The following RARB variants were observed in gnomAD, a reference collection of about 807,000 sequenced individuals.
RARB encodes the protein HBV-activated protein.
Under a neutral mutation model 51.9 loss-of-function variants are expected in RARB, and 17 were observed. That is an observed-to-expected ratio of 0.33 (90% confidence interval 0.22 to 0.49). The LOEUF (loss-of-function observed/expected upper bound fraction) is 0.49. Ranked by LOEUF, RARB falls within the 20% of genes least tolerant of loss-of-function variation. RARB has a pLI of 0.99. For missense variants in RARB, 369 were observed against 550.8 expected (o/e 0.67, Z 3.30); for synonymous variants, 215 against 195.4 (o/e 1.10, Z -0.84).
intron 5 of RARB, among the ~76,000 whole-genome samples, chr3:25,258,375 A>G (rs1702917770): frequency 6.6e-6 from 1 of 152,174 alleles, no homozygotes; most frequent in African/African-American, 2.4e-5. Context: ...GTCGCAATTG[A>G]TATTGTAAAG....
chr3:24,831,323 C>A (rs1229855975), intron 1 of RARB, among the ~76,000 whole-genome samples: 2 of 152,136 alleles, frequency 1.3e-5, no homozygotes. Context: ...TGGTATGATG[C>A]AGTAATTATT....
intron 5 of RARB, among the ~76,000 whole-genome samples, chr3:25,228,458 A>G (rs1367313358): frequency 6.6e-6 from 1 of 151,840 alleles, no homozygotes; most frequent in African/African-American, 2.4e-5. Context: ...TCTCGGCATG[A>G]TCAGAGTGCC....
chr3:25,525,000 A>G (rs1296207313), intron 3 of RARB, among the ~76,000 whole-genome samples: 2 of 152,010 alleles, frequency 1.3e-5, no homozygotes, highest in African/African-American at 4.8e-5. Context: ...AAGTGCTGGG[A>G]TTATAGGCTT....
At chr3:25,382,337 A>G (rs1220832793) in intron 5 of RARB, among the ~76,000 whole-genome samples, 1 of 152,234 alleles carries the variant, frequency 6.6e-6, no homozygotes, top group Non-Finnish European at 1.5e-5. Context: ...AGGCATGTTT[A>G]CAAACTTTCA....
At chr3:24,986,367 G>C (rs1696794333) in intron 2 of RARB, among the ~76,000 whole-genome samples, 1 of 152,166 alleles carries the variant, frequency 6.6e-6, no homozygotes, top group African/African-American at 2.4e-5. Flanking sequence ...AGAAAAATCA[G>C]TATCAGGCAG....
At chr3:24,914,471 A>G (rs973626136) in intron 2 of RARB, among the ~76,000 whole-genome samples, 3 of 152,128 alleles carry the variant, frequency 2.0e-5, no homozygotes, top group Non-Finnish European at 4.4e-5. Flanking sequence ...TAGATGGAAC[A>G]TCTTCTGCCA....
At chr3:25,213,224 T>C (rs1036971775) in intron 5 of RARB, among the ~76,000 whole-genome samples, 1 of 152,182 alleles carries the variant, frequency 6.6e-6, no homozygotes, top group African/African-American at 2.4e-5. Context: ...TCCCACTTTC[T>C]TCCCTATTCC....
At chr3:24,983,986 T>G (rs904196718) in intron 2 of RARB, among the ~76,000 whole-genome samples, 5 of 152,226 alleles carry the variant, frequency 3.3e-5, no homozygotes, top group Non-Finnish European at 7.3e-5. Context: ...TAGTTTACAT[T>G]TTTTATGATT....
chr3:25,255,384 AT>A (rs964875754), intron 5 of RARB, among the ~76,000 whole-genome samples: 2 of 152,174 alleles, frequency 1.3e-5, no homozygotes, highest in African/African-American at 4.8e-5. Context: ...TTATGAATTC[AT>A]GAGGCTCTGT....
intron 2 of RARB, among the ~76,000 whole-genome samples, chr3:25,473,120 A>C (rs1316809328): frequency 6.6e-6 from 1 of 152,116 alleles, no homozygotes; most frequent in African/African-American, 2.4e-5. Flanking sequence ...TCTTGTCACT[A>C]TCTCCTACCA....
chr3:25,591,852 C>T (rs1172494524), intron 5 of RARB, among the ~76,000 whole-genome samples: 3 of 152,184 alleles, frequency 2.0e-5, no homozygotes, highest in Non-Finnish European at 1.5e-5. Flanking sequence ...ACGCTGGAGT[C>T]CTTTGTGTAG....
At chr3:25,022,064 A>G (rs545444242) in intron 2 of RARB, among the ~76,000 whole-genome samples, 17 of 152,322 alleles carry the variant, frequency 1.1e-4, no homozygotes, top group Non-Finnish European at 2.5e-4. Context: ...TAAAATCCTA[A>G]GAGAGATAAG....
intron 5 of RARB, among the ~76,000 whole-genome samples, chr3:25,417,833 G>T (rs534025678): frequency 1.3e-5 from 2 of 152,088 alleles, no homozygotes; most frequent in South Asian, 2.1e-4. Context: ...AAAAAATGAC[G>T]GCATAAATAA....
At chr3:25,063,660 C>T (rs1698596815) in intron 3 of RARB, among the ~76,000 whole-genome samples, 1 of 150,130 alleles carries the variant, frequency 6.7e-6, no homozygotes, top group East Asian at 1.9e-4. Context: ...CTACCACAGT[C>T]ATAAAATCTT....
Position 25,567,257 on chromosome 3 carries a change from A to C in RARB, c.449-2501A>C, listed in dbSNP as rs115228865. ...TCACCAGTAAGTCCAGAACATTTTC[A>C]TCTCCTAAAAAACAAAACCCTGAAC... is the stretch of plus-strand genomic sequence containing the variant. On this transcript the variant is annotated intron_variant, in intron 3 of 7. Transcript: ENST00000330688. Among the ~76,000 whole-genome samples the C allele has an allele frequency of 2.9e-3, 434 of 152,228 alleles. 1 individual carries two copies. Among genetic ancestry groups the C allele is most frequent in the African/African-American group, 0.01 (423 of 41,528 alleles).
rs1361806303 is a variant in RARB at position 25,498,831 on chromosome 3, A to G, written c.307-2351A>G. On this transcript the variant is annotated intron_variant, in intron 2 of 7. Transcript: ENST00000330688. Reference sequence around the variant, plus strand: ...AGAAGAGCGATGGAGGTTTCTGTAAACTGAGTTTCTACATCTGGCAGCAGA... The same window carrying G: ...AGAAGAGCGATGGAGGTTTCTGTAAGCTGAGTTTCTACATCTGGCAGCAGA... Among the ~76,000 whole-genome samples the G allele has an allele frequency of 3.3e-5, 5 of 152,296 alleles. No homozygotes were observed. In the East Asian group the frequency reaches 7.7e-4, roughly 24 times the overall value.
intron 3 of RARB, among the ~76,000 whole-genome samples, chr3:25,564,230 T>C (rs1700391620): frequency 1.3e-5 from 2 of 152,238 alleles, no homozygotes; most frequent in African/African-American, 4.8e-5. Context: ...AGTGACACTT[T>C]TATTACATTC....
At chr3:24,837,253 T>C (rs1003723850) in intron 1 of RARB, among the ~76,000 whole-genome samples, 8 of 152,234 alleles carry the variant, frequency 5.3e-5, no homozygotes, top group African/African-American at 1.9e-4. Context: ...CTGGTAGAGA[T>C]CACAGAGGTG....
At chr3:25,210,529 C>CTTTATTTTTTTTTTTATTTTTTTTTT (rs1701666907) in intron 5 of RARB, among the ~76,000 whole-genome samples, 1 of 27,618 alleles carries the variant, frequency 3.6e-5, no homozygotes, top group Non-Finnish European at 8.7e-5. Flanking sequence ...TTATCTGATT[C>CTTTATTTTTTTTTTTATTTTTTTTTT]TTTTTTTTTT....
Sources: gnomAD v4.1 joint callset for allele counts (sites outside exome capture counted in the v4.1 genomes callset) on GRCh38, gnomAD v4.1.1 for gene constraint, MANE v1.5 for transcripts, NCBI Gene and HGNC (gene_info 2026-07-23, HGNC 2026-07-21) for gene names.